Variants in EML1 observed in about 807,000 individuals in gnomAD.
The protein encoded by EML1 is EMAP like 1.
EML1 carries 27 observed loss-of-function variants against 110.4 expected under a neutral mutation model. The ratio of observed to expected loss-of-function variants is 0.24; its 90% CI spans 0.18 to 0.34. EML1 has a LOEUF of 0.34. EML1 is among the 10% of genes least tolerant of loss of function. EML1 has a pLI of 1.00. For synonymous variants in EML1, 344 were observed against 385.8 expected, an observed-to-expected ratio of 0.89 and a Z score of 1.27; for missense variants, 741 against 1,030.9, an observed-to-expected ratio of 0.72 and a Z score of 3.85.
chr14:99,836,452 T>G (rs1352507800), intron 1 of EML1, among the ~76,000 whole-genome samples: 3 of 152,242 alleles, frequency 2.0e-5, no homozygotes, highest in African/African-American at 7.2e-5. Context: ...TTATATCATC[T>G]GCAAATAGAC....
intron 1 of EML1, among the ~76,000 whole-genome samples, chr14:99,849,773 C>G (rs1301940190): frequency 6.6e-6 from 1 of 152,016 alleles, no homozygotes; most frequent in Non-Finnish European, 1.5e-5. Flanking sequence ...GTCTCGAACA[C>G]CTGACCTTAG....
At position 99,883,923 on chromosome 14, in the gene EML1, G is replaced by T. The variant is rs76958443; in HGVS notation, c.518+5304G>T. 1.4e-4 allele frequency among the ~76,000 whole-genome samples: 22 copies of T among 152,300 alleles called. No individual in the cohort carries two copies. In the East Asian group the frequency reaches 4.2e-3, roughly 29 times the overall value. On this transcript the variant is annotated intron_variant, in intron 4 of 21. Coordinates refer to ENST00000262233, the MANE Select transcript of EML1 (RefSeq NM_004434.3). ...AGTAGGTGCTCAACAAGCATTAGTCGAATGAATCTTTTTGCCCTGATCACT... is the reference window on the plus strand; with the variant it reads ...AGTAGGTGCTCAACAAGCATTAGTCTAATGAATCTTTTTGCCCTGATCACT...
intron 5 of EML1, chr14:99,892,088 G>A (rs1032744531): frequency 1.3e-5 from 13 of 976,032 alleles, no homozygotes; most frequent in Admixed American, 1.2e-4. Context: ...TCCGGGCTCC[G>A]GGGCAGGCAG....
At chr14:99,916,454 C>A (rs1426723527) in intron 15 of EML1, among the ~76,000 whole-genome samples, 1 of 152,098 alleles carries the variant, frequency 6.6e-6, no homozygotes. Flanking sequence ...GATCTCAGGG[C>A]CTCCTATTTT....
At chr14:99,795,339 CT>C (rs1244892953) in intron 1 of EML1, among the ~76,000 whole-genome samples, 2 of 152,220 alleles carry the variant, frequency 1.3e-5, no homozygotes, top group Non-Finnish European at 2.9e-5. Context: ...TAAAAACCAA[CT>C]CTTATATTTT....
At chr14:99,743,267 A>G (rs1466250206) in intron 1 of EML1, among the ~76,000 whole-genome samples, 1 of 152,056 alleles carries the variant, frequency 6.6e-6, no homozygotes, top group African/African-American at 2.4e-5. Context: ...GGTGTCTCCT[A>G]CTTGTCCCAT....
Position 99,898,267 on chromosome 14 carries a change from A to G in EML1, c.862A>G (p.Thr288Ala), listed in dbSNP as rs1376623294. ...TCATCCTGATCGGATCACGATAGCA[A>G]CAGGACAAGTTGCGGGCACATCGAA... The part of the protein sequence containing the change: ...AVHPDRITIA[T>A]GQVAGTSKDG... The change falls in exon 8 of 22, where the codon ACA becomes GCA. Residue 288 changes from threonine to alanine, a missense_variant. Physicochemically the swap from Thr to Ala is moderately conservative, Grantham distance 58. This residue lies in a region of EML1 where 388 missense variants were observed against 605.6 expected (regional missense o/e 0.64). Coordinates refer to ENST00000262233, the MANE Select transcript of EML1 (RefSeq NM_004434.3). 6.2e-7 allele frequency: 1 copy of G among 1,612,014 alleles called. No individual in the cohort carries two copies. The highest frequency in any genetic ancestry group is 1.1e-5 in the South Asian group (1 of 90,804).
chr14:99,764,838 C>T (rs11621965), intron 1 of EML1, among the ~76,000 whole-genome samples: 5 of 152,178 alleles, frequency 3.3e-5, no homozygotes, highest in Non-Finnish European at 5.9e-5. Context: ...ACACCCAAAC[C>T]GCTGTCCTGC....
chr14:99,886,774 T>A (rs1212675893), intron 4 of EML1, among the ~76,000 whole-genome samples: 1 of 152,178 alleles, frequency 6.6e-6, no homozygotes, highest in Non-Finnish European at 1.5e-5. Context: ...ATGAAAGAGA[T>A]AAGAGCAGAT....
At chr14:99,804,075 G>A (rs2057929363) in intron 1 of EML1, among the ~76,000 whole-genome samples, 1 of 152,234 alleles carries the variant, frequency 6.6e-6, no homozygotes, top group African/African-American at 2.4e-5. Flanking sequence ...AAGTAATTAA[G>A]CAGGATTGCC....
At position 99,867,047 on chromosome 14, in the gene EML1, C is replaced by A. The variant is rs188485844; in HGVS notation, c.383+1401C>A. Among the ~76,000 whole-genome samples the A allele has an allele frequency of 1.1e-3, 162 of 152,166 alleles. 2 individuals carry two copies. The highest frequency in any genetic ancestry group is 9.9e-3 in the Admixed American group (151 of 15,284). ...TGTTACCCAGATAGTGAAGATAGTA[C>A]CAAATAGGAAGTTTTTCAACCCTTA... On this transcript the variant is annotated intron_variant, in intron 3 of 21. Transcript: ENST00000262233.
At chr14:99,810,877 A>G (rs889490623) in intron 1 of EML1, among the ~76,000 whole-genome samples, 3 of 152,228 alleles carry the variant, frequency 2.0e-5, no homozygotes, top group African/African-American at 7.2e-5. Context: ...GGGTATGTTA[A>G]TTAGCTTGAT....
chr14:99,849,694 C>T (rs1459463028), intron 1 of EML1, among the ~76,000 whole-genome samples: 5 of 151,574 alleles, frequency 3.3e-5, no homozygotes, highest in African/African-American at 4.8e-5. Context: ...ACTATAGACG[C>T]GCACCACCAC....
chr14:99,757,019 C>T (rs1342973068), intron 1 of EML1, among the ~76,000 whole-genome samples: 4 of 152,210 alleles, frequency 2.6e-5, no homozygotes, highest in African/African-American at 9.6e-5. Context: ...GGGCCAAGTG[C>T]AAAACGAACA....
At chr14:99,849,489 A>G (rs1325285051) in intron 1 of EML1, among the ~76,000 whole-genome samples, 2 of 150,574 alleles carry the variant, frequency 1.3e-5, no homozygotes, top group Admixed American at 6.7e-5. Context: ...AGTATCTCAT[A>G]ATTGTGTGTG....
rs545059523 is a variant in EML1 at position 99,865,107 on chromosome 14, T to C, written c.251-407T>C. On this transcript the variant is annotated intron_variant, in intron 2 of 21. Transcript: ENST00000262233. ...TTTCTTACTATTACATTTTAATATA[T>C]AATGAAATAATTATACAGCTCACCA... Among the ~76,000 whole-genome samples, 218 of 152,332 alleles carry C rather than the reference T, an allele frequency of 1.4e-3. 2 individuals are homozygous for C. The highest frequency in any genetic ancestry group is 5.0e-3 in the African/African-American group (209 of 41,560).
chr14:99,744,545 C>G (rs1428544732), intron 1 of EML1, among the ~76,000 whole-genome samples: 1 of 152,134 alleles, frequency 6.6e-6, no homozygotes, highest in Admixed American at 6.5e-5. Context: ...CCGAATTGAC[C>G]GTCTGTTTCT....
At chr14:99,917,431 C>T (rs187154995) in intron 15 of EML1, among the ~76,000 whole-genome samples, 1 of 152,118 alleles carries the variant, frequency 6.6e-6, no homozygotes, top group East Asian at 1.9e-4. Context: ...AAAAATTAGC[C>T]AGGTGTGGTG....
chr14:99,766,924 T>C (rs2057374128), intron 1 of EML1, among the ~76,000 whole-genome samples: 2 of 152,156 alleles, frequency 1.3e-5, no homozygotes, highest in Non-Finnish European at 1.5e-5. Context: ...CAAAGTGCAA[T>C]CCATCATCCT....
Sources: allele counts gnomAD v4.1 joint callset (sites outside exome capture counted in the v4.1 genomes callset), GRCh38; gene constraint gnomAD v4.1.1; regional missense constraint gnomAD v4.1.1; transcripts MANE v1.5; gene names NCBI Gene and HGNC (gene_info 2026-07-23, HGNC 2026-07-21).